The following CDH9 variants were observed in gnomAD, a reference collection of about 807,000 sequenced individuals.
The protein encoded by CDH9 is cadherin-9.
Under a neutral mutation model 70.9 loss-of-function variants are expected in CDH9, and 28 were observed. That is an observed-to-expected ratio of 0.40 (90% CI 0.29 to 0.54). The LOEUF is 0.54. Ranked by LOEUF, CDH9 falls within the 20% of genes least tolerant of loss-of-function variation. The probability of loss-of-function intolerance (pLI) is 0.59; values close to 1 mark genes in which losing one functional copy is unlikely to be tolerated. For missense variants in CDH9, 874 were observed against 984.4 expected, an observed-to-expected ratio of 0.89 and a Z score of 1.50; for synonymous variants, 409 against 343.1, an observed-to-expected ratio of 1.19 and a Z score of -2.12.
intron 3 of CDH9, among the ~76,000 whole-genome samples, chr5:26,913,340 C>T (rs1425045104): frequency 6.6e-6 from 1 of 151,838 alleles, no homozygotes; most frequent in Admixed American, 6.6e-5. Context: ...TATAGGTGAA[C>T]CAAAGTGGAA....
chr5:26,905,650 T>A (rs1045016603), intron 5 of CDH9, among the ~76,000 whole-genome samples: 2 of 152,090 alleles, frequency 1.3e-5, no homozygotes, highest in Non-Finnish European at 2.9e-5. Flanking sequence ...ACAATCTCAG[T>A]GAATGATGAG....
intron 1 of CDH9, among the ~76,000 whole-genome samples, chr5:27,024,561 C>T (rs1049037377): frequency 3.3e-5 from 5 of 152,012 alleles, no homozygotes; most frequent in African/African-American, 1.2e-4. Context: ...TCTTGAGCCA[C>T]TATTAGAAAC....
At chr5:26,883,024 C>G in intron 11 of CDH9, among the ~76,000 whole-genome samples, 1 of 102,994 alleles carries the variant, frequency 9.7e-6, no homozygotes, top group Admixed American at 1.3e-4. Context: ...GGAAGCTGAG[C>G]TATATTCAGG....
chr5:27,011,104 G>C (rs1388950451), intron 1 of CDH9, among the ~76,000 whole-genome samples: 1 of 152,020 alleles, frequency 6.6e-6, no homozygotes, highest in East Asian at 1.9e-4. Context: ...AGTTAGAGGT[G>C]GGGGAGAAGT....
chr5:26,902,003 AT>A (rs1034246028), intron 7 of CDH9, among the ~76,000 whole-genome samples: 2 of 151,786 alleles, frequency 1.3e-5, no homozygotes, highest in African/African-American at 4.8e-5. Flanking sequence ...CTAGGAAAAC[AT>A]TTTTTTCTAA....
chr5:26,926,028 G>A (rs995557425), intron 2 of CDH9, among the ~76,000 whole-genome samples: 10 of 152,202 alleles, frequency 6.6e-5, no homozygotes, highest in African/African-American at 2.4e-4. Context: ...TTGAAAACTG[G>A]CACAAGACAG....
chr5:26,962,358 C>T (rs1192994002), intron 2 of CDH9, among the ~76,000 whole-genome samples: 1 of 152,128 alleles, frequency 6.6e-6, no homozygotes, highest in African/African-American at 2.4e-5. Flanking sequence ...ATTGCTGGGT[C>T]AAATGATATT....
intron 2 of CDH9, among the ~76,000 whole-genome samples, chr5:26,951,945 A>ATTTATTTTATTTTATTTTAC (rs1553999934): frequency 9.2e-5 from 11 of 119,272 alleles, no homozygotes; most frequent in Middle Eastern, 3.8e-3. Context: ...TCATGTTAAA[A>ATTTATTTTATTTTATTTTAC]TTTATTTTAT....
intron 1 of CDH9, among the ~76,000 whole-genome samples, chr5:27,004,770 A>C (rs1197577706): frequency 6.6e-6 from 1 of 152,162 alleles, no homozygotes; most frequent in Non-Finnish European, 1.5e-5. Flanking sequence ...TTTAACATCC[A>C]AGTGGAAATA....
intron 2 of CDH9, among the ~76,000 whole-genome samples, chr5:26,956,316 G>A (rs561443739): frequency 3.9e-5 from 6 of 152,256 alleles, no homozygotes; most frequent in South Asian, 2.1e-4. Context: ...CCTAAGCCAC[G>A]TGGAACTTTG....
At chr5:27,001,263 AT>A (rs1201149260) in intron 1 of CDH9, among the ~76,000 whole-genome samples, 1 of 152,132 alleles carries the variant, frequency 6.6e-6, no homozygotes, top group East Asian at 1.9e-4. Context: ...GGCGTAAGTA[AT>A]TTTCCAAAGT....
intron 2 of CDH9, among the ~76,000 whole-genome samples, chr5:26,959,329 A>T (rs1166050482): frequency 2.6e-5 from 4 of 152,128 alleles, no homozygotes; most frequent in Non-Finnish European, 4.4e-5. Context: ...TGAATAGAGT[A>T]GGCATATTTT....
At chr5:26,992,473 C>T (rs965567786) in intron 1 of CDH9, among the ~76,000 whole-genome samples, 1 of 152,106 alleles carries the variant, frequency 6.6e-6, no homozygotes, top group Non-Finnish European at 1.5e-5. Flanking sequence ...CACCAGACAC[C>T]AAATCTGCCA....
chr5:27,030,202 A>G (rs1743287688), intron 1 of CDH9, among the ~76,000 whole-genome samples: 2 of 151,928 alleles, frequency 1.3e-5, no homozygotes, highest in South Asian at 4.1e-4. Context: ...TGTGACCTTG[A>G]CAATACTCAA....
intron 2 of CDH9, among the ~76,000 whole-genome samples, chr5:26,965,064 G>A (rs1263148935): frequency 6.6e-6 from 1 of 151,720 alleles, no homozygotes; most frequent in East Asian, 1.9e-4. Context: ...TATTCTTATT[G>A]GTCTCTTACT....
intron 2 of CDH9, among the ~76,000 whole-genome samples, chr5:26,942,811 G>A (rs1175624488): frequency 6.6e-6 from 1 of 151,976 alleles, no homozygotes; most frequent in East Asian, 1.9e-4. Flanking sequence ...GGAAACTTTT[G>A]CAAAGTTACT....
intron 1 of CDH9, among the ~76,000 whole-genome samples, chr5:27,001,341 T>C (rs560400319): frequency 3.3e-5 from 5 of 152,190 alleles, no homozygotes; most frequent in African/African-American, 1.2e-4. Flanking sequence ...GTTAATAAAG[T>C]TGTTTTCCGC....
At chr5:27,030,056 C>T (rs1743285188) in intron 1 of CDH9, among the ~76,000 whole-genome samples, 1 of 152,140 alleles carries the variant, frequency 6.6e-6, no homozygotes, top group South Asian at 2.1e-4. Context: ...GCTTTTCAAG[C>T]CTCAGTTTTT....
intron 2 of CDH9, among the ~76,000 whole-genome samples, chr5:26,951,397 G>A (rs989774551): frequency 1.3e-5 from 2 of 151,866 alleles, no homozygotes; most frequent in African/African-American, 4.8e-5. Flanking sequence ...TATTTAGTAG[G>A]AGGAGAATAC....
Sources: gnomAD v4.1 joint callset for allele counts (sites outside exome capture counted in the v4.1 genomes callset) on GRCh38, gnomAD v4.1.1 for gene constraint, MANE v1.5 for transcripts, NCBI Gene and HGNC (gene_info 2026-07-23, HGNC 2026-07-21) for gene names.